Variants in PLEKHH2 observed in about 807,000 individuals in gnomAD.
PLEKHH2 encodes pleckstrin homology, MyTH4 and FERM domain containing H2.
A neutral mutation model predicts 187.9 loss-of-function variants in PLEKHH2; 129 were observed. The observed-to-expected ratio is 0.69, with a 90% confidence interval of 0.59 to 0.79. PLEKHH2 has a LOEUF of 0.79. Among genes scored for constraint, PLEKHH2 ranks in the 30% least tolerant of loss-of-function variants. PLEKHH2 has a pLI of 0.00. For missense variants in PLEKHH2, 2,076 were observed against 1,751.2 expected, an observed-to-expected ratio of 1.19 and a Z score of -3.31; for synonymous variants, 686 against 605.6, an observed-to-expected ratio of 1.13 and a Z score of -1.95.
intron 9 of PLEKHH2, among the ~76,000 whole-genome samples, chr2:43,705,997 A>G (rs994231888): frequency 7.2e-5 from 11 of 152,240 alleles, no homozygotes; most frequent in Admixed American, 6.5e-4. Context: ...TTGGTTGGTA[A>G]GCAGTTGCCT....
intron 3 of PLEKHH2, among the ~76,000 whole-genome samples, chr2:43,690,379 C>T (rs998841817): frequency 2.6e-5 from 4 of 151,364 alleles, no homozygotes; most frequent in African/African-American, 9.7e-5. Context: ...TTCCTAGTTT[C>T]CAGCCATGTG....
At chr2:43,762,796 A>G (rs917137996) in intron 28 of PLEKHH2, among the ~76,000 whole-genome samples, 1 of 152,228 alleles carries the variant, frequency 6.6e-6, no homozygotes, top group Non-Finnish European at 1.5e-5. Context: ...ATAATTTCCT[A>G]TAATGTCATT....
chr2:43,727,615 T>C (rs1670829419), intron 17 of PLEKHH2, among the ~76,000 whole-genome samples: 1 of 152,196 alleles, frequency 6.6e-6, no homozygotes, highest in South Asian at 2.1e-4. Flanking sequence ...ATTATTATTG[T>C]TACTATTGAT....
At chr2:43,729,591 A>G in intron 17 of PLEKHH2, 46 bp from the exon 18 acceptor site, 1 of 1,352,382 alleles carries the variant, frequency 7.4e-7, no homozygotes. Context: ...TTTTTCTTTA[A>G]TCAAAACTGT....
In PLEKHH2 at chr2:43,712,189, A is replaced by G. The variant is rs113350888; in HGVS notation, c.2302-36A>G. ...AATGCTAACAATCCTAAATCTTCACAGTTTTCTTTCCTATACCTTTCTCGT... is the reference window on the plus strand; with the variant it reads ...AATGCTAACAATCCTAAATCTTCACGGTTTTCTTTCCTATACCTTTCTCGT... On this transcript the variant is annotated intron_variant, in intron 14 of 29. Transcript: ENST00000282406. The G allele has an allele frequency of 1.9e-5, 31 of 1,592,042 alleles. 1 individual carries two copies. The African/African-American group carries it at 2.6e-4, about 13-fold the overall frequency.
chr2:43,711,223 G>T (rs949942807), intron 14 of PLEKHH2: 26 of 985,338 alleles, frequency 2.6e-5, no homozygotes, highest in Non-Finnish European at 8.4e-6. Flanking sequence ...TTCTTATATT[G>T]CTCCTTTGGA....
At position 43,723,474 on chromosome 2, in the gene PLEKHH2, T is replaced by C. The variant is rs567344283; in HGVS notation, c.2541+2725T>C. On this transcript the variant is annotated intron_variant, in intron 16 of 29. Coordinates refer to ENST00000282406, the MANE Select transcript of PLEKHH2 (RefSeq NM_172069.4). ...TGGGGTAGTTACTTGGGTGGAGAAG[T>C]GAGGAGGAAGATAAGATTAAGTTTA... Among the ~76,000 whole-genome samples, 5 of 151,874 alleles carry C rather than the reference T, an allele frequency of 3.3e-5. No homozygotes were observed. In the East Asian group the frequency reaches 9.7e-4, roughly 29 times the overall value.
chr2:43,681,535 C>T lies in PLEKHH2; in HGVS notation c.186+2610C>T, dbSNP rs142983033. 2.6e-5 allele frequency: 38 copies of T among 1,474,336 alleles called. 1 individual carries two copies. Among genetic ancestry groups the T allele is most frequent in the African/African-American group, 2.4e-4 (17 of 71,720 alleles). The allele number at this position is 1,474,336 out of a possible 1,614,324, so 91.3% of individuals were successfully genotyped here. A position where few individuals can be genotyped will look rare whatever the true frequency, so the allele number is the denominator to read the frequency against. ...TGCAGCTGGCCAGAAATGTGCTTTG[C>T]GTATGCAGAAAGACTCACTTCTGTG... is the stretch of plus-strand genomic sequence containing the variant. On this transcript the variant is annotated intron_variant, in intron 3 of 29. Coordinates refer to ENST00000282406, the MANE Select transcript of PLEKHH2 (RefSeq NM_172069.4).
chr2:43,683,948 T>C (rs1218763397), intron 3 of PLEKHH2, among the ~76,000 whole-genome samples: 1 of 152,168 alleles, frequency 6.6e-6, no homozygotes, highest in African/African-American at 2.4e-5. Flanking sequence ...ATATATCCTC[T>C]CCCCTCCAAC....
intron 2 of PLEKHH2, among the ~76,000 whole-genome samples, chr2:43,674,221 T>C (rs1667618447): frequency 6.6e-6 from 1 of 152,182 alleles, no homozygotes; most frequent in African/African-American, 2.4e-5. Flanking sequence ...TTTGCATAGT[T>C]CTCTTAAGAG....
In PLEKHH2 at chr2:43,699,989, A is replaced by G. The variant is rs374234389; in HGVS notation, c.1031A>G (p.Lys344Arg). 3.1e-6 allele frequency: 5 copies of G among 1,614,106 alleles called. No homozygotes were observed. In the African/African-American group the frequency reaches 5.3e-5, roughly 17 times the overall value. ...TTTGAGGAAGAGACTTTTGGCATAA[A>G]GAGACCAGAACACAAGAAGCTATAT... ...SIFEEETFGIKRPEHKKLYSW... is the reference protein window; with the variant it reads ...SIFEEETFGIRRPEHKKLYSW... Residue 344 changes from lysine (K) to arginine (R), a missense_variant, in exon 8 of 30, where the codon AAG becomes AGG. Lys to Arg is a conservative substitution (Grantham distance 26). Transcript: ENST00000282406.
chr2:43,689,150 A>G lies in PLEKHH2; in HGVS notation c.187-3364A>G, dbSNP rs1413287989. Among the ~76,000 whole-genome samples, 3 of 152,340 alleles carry G rather than the reference A, an allele frequency of 2.0e-5. 1 individual carries two copies. Among genetic ancestry groups the G allele is most frequent in the Admixed American group, 1.3e-4 (2 of 15,290 alleles). ...AGAGGTTGTCTCCCAAGAGCCAGTG[A>G]AGGACCAGTCCTTTCTTTGGAATGT... On this transcript the variant is annotated intron_variant, in intron 3 of 29. Coordinates refer to ENST00000282406, the MANE Select transcript of PLEKHH2 (RefSeq NM_172069.4).
chr2:43,711,207 A>C, intron 14 of PLEKHH2: 1 of 985,524 alleles, frequency 1.0e-6, no homozygotes, highest in Non-Finnish European at 1.2e-6. Flanking sequence ...TTCAATAACC[A>C]TTATTTTCTT....
intron 11 of PLEKHH2, among the ~76,000 whole-genome samples, chr2:43,708,112 C>T (rs183458112): frequency 3.8e-4 from 58 of 152,252 alleles, no homozygotes; most frequent in African/African-American, 1.3e-3. Context: ...TTCCATGGAA[C>T]CTCTGGATAC....
intron 8 of PLEKHH2, 55 bp downstream of exon 8, chr2:43,700,663 T>G: frequency 3.3e-6 from 5 of 1,532,302 alleles, no homozygotes; most frequent in Non-Finnish European, 4.4e-6. Flanking sequence ...TCAACACTTT[T>G]TTTTTCTGGG....
At position 43,757,227 on chromosome 2, in the gene PLEKHH2, A is replaced by C; in HGVS notation, c.3904A>C (p.Lys1302Gln). Residue 1302 changes from lysine to glutamine, a missense_variant, in exon 26 of 30, where the codon AAA becomes CAA. By Grantham distance (53) the Lys-to-Gln change is moderately conservative. Coordinates refer to ENST00000282406, the MANE Select transcript of PLEKHH2 (RefSeq NM_172069.4). The part of the protein sequence containing the change: ...LKQVIEKFYP[K>Q]RYRDGCSEEQ... ...GCAAGTCATAGAGAAATTTTATCCT[A>C]AAAGGTATAGAGATGGCTGTTCTGA... 1 of 1,601,150 alleles carries C rather than the reference A, an allele frequency of 6.2e-7. No homozygotes were observed. Among genetic ancestry groups the C allele is most frequent in the Non-Finnish European group, 8.5e-7 (1 of 1,174,744 alleles).
rs189890738 is a variant in PLEKHH2 at position 43,715,865 on chromosome 2, C to T, written c.2460+3482C>T. On this transcript the variant is annotated intron_variant, in intron 15 of 29. Transcript: ENST00000282406. ...GAGGGCTGGATTGGAGAGAAGGATT[C>T]GAGGAATCATCAGCATACATGTGGC... is the stretch of plus-strand genomic sequence containing the variant. Among the ~76,000 whole-genome samples the T allele has an allele frequency of 2.2e-3, 339 of 152,038 alleles. 2 individuals are homozygous for T. The highest frequency in any genetic ancestry group is 0.014 in the South Asian group (68 of 4,796).
intron 3 of PLEKHH2, chr2:43,681,008 G>C (rs1044771219): frequency 8.1e-7 from 1 of 1,239,394 alleles, no homozygotes; most frequent in African/African-American, 1.5e-5. Flanking sequence ...AACTGGAAAA[G>C]TCACCTGTTC....
Position 43,732,018 on chromosome 2 carries a change from G to T in PLEKHH2, c.2943+416G>T, listed in dbSNP as rs190421881. 8.5e-5 allele frequency among the ~76,000 whole-genome samples: 13 copies of T among 152,144 alleles called. No individual in the cohort carries two copies. In the South Asian group the frequency reaches 2.5e-3, roughly 29 times the overall value. On this transcript the variant is annotated intron_variant, in intron 19 of 29. Coordinates refer to ENST00000282406, the MANE Select transcript of PLEKHH2 (RefSeq NM_172069.4). ...CACTCAAAACTTGCCATGCAACTTCGCACTCTTTATCCTTCTATCCCTATC... is the reference window on the plus strand; with the variant it reads ...CACTCAAAACTTGCCATGCAACTTCTCACTCTTTATCCTTCTATCCCTATC...
Sources: gnomAD v4.1 joint callset for allele counts (sites outside exome capture counted in the v4.1 genomes callset) on GRCh38, gnomAD v4.1.1 for gene constraint, MANE v1.5 for transcripts, NCBI Gene and HGNC (gene_info 2026-07-23, HGNC 2026-07-21) for gene names.